TMEM229B: variants seen among roughly 807,000 people sequenced by gnomAD.
TMEM229B encodes the protein chromosome 14 open reading frame 83.
A neutral mutation model predicts 13.7 loss-of-function variants in TMEM229B; 6 were observed. That is an observed-to-expected ratio of 0.44 (90% CI 0.24 to 0.86). The LOEUF (loss-of-function observed/expected upper bound fraction) is 0.86. Among genes scored for constraint, TMEM229B ranks in the 40% least tolerant of loss-of-function variants. The probability of loss-of-function intolerance (pLI) is 0.23; values close to 1 mark genes in which losing one functional copy is unlikely to be tolerated. For synonymous variants in TMEM229B, 107 were observed against 102.1 expected (o/e 1.05, Z -0.29); for missense variants, 170 against 236.0 (o/e 0.72, Z 1.83).
intron 1 of TMEM229B, among the ~76,000 whole-genome samples, chr14:67,512,386 C>A (rs1465788375): frequency 6.6e-6 from 1 of 152,236 alleles, no homozygotes; most frequent in Non-Finnish European, 1.5e-5. Context: ...ACATGAGAAT[C>A]CTGTCTGATA....
upstream of TMEM229B, among the ~76,000 whole-genome samples, chr14:67,520,322 T>G (rs1329719489): frequency 6.6e-6 from 1 of 152,248 alleles, no homozygotes; most frequent in African/African-American, 2.4e-5. Context: ...AAATGTCCTC[T>G]GTGCTTTGCT....
chr14:67,521,289 A>T (rs561440719), intron 1 of TMEM229B, among the ~76,000 whole-genome samples: 61 of 152,362 alleles, frequency 4.0e-4, no homozygotes, highest in African/African-American at 1.4e-3. Context: ...CTCAGGAATG[A>T]GTGCATTGTG....
chr14:67,495,244 A>T (rs2032320832), intron 1 of TMEM229B, among the ~76,000 whole-genome samples: 1 of 152,108 alleles, frequency 6.6e-6, no homozygotes, highest in Non-Finnish European at 1.5e-5. Flanking sequence ...TCCCTCCTGG[A>T]AACATTTCCT....
At chr14:67,493,765 C>A (rs777956606) in intron 1 of TMEM229B, among the ~76,000 whole-genome samples, 4 of 152,154 alleles carry the variant, frequency 2.6e-5, no homozygotes, top group Non-Finnish European at 4.4e-5. Context: ...GGAATGGCCA[C>A]AGAGACCACA....
chr14:67,497,676 G>A (rs2032447087), intron 1 of TMEM229B, among the ~76,000 whole-genome samples: 1 of 152,144 alleles, frequency 6.6e-6, no homozygotes, highest in Non-Finnish European at 1.5e-5. Context: ...AGTTGTCTAG[G>A]AACACCATTA....
At position 67,507,930 on chromosome 14, in the gene TMEM229B, G is replaced by A. The variant is rs375896579; in HGVS notation, c.-192+7156C>T. Among the ~76,000 whole-genome samples, 111 of 152,250 alleles carry A rather than the reference G, an allele frequency of 7.3e-4. 3 individuals are homozygous for A. The South Asian group carries it at 0.022, about 30-fold the overall frequency. ...GAGGCCGGCAGTTCACCTGAGGTTG[G>A]GAGTTCCAGACCAGCCTGACCAACA... On this transcript the variant is annotated intron_variant, in intron 1 of 2. Coordinates refer to the TMEM229B transcript ENST00000357461.
chr14:67,490,784 T>C (rs1468980210), upstream of TMEM229B, among the ~76,000 whole-genome samples: 2 of 151,780 alleles, frequency 1.3e-5, no homozygotes, highest in Non-Finnish European at 2.9e-5. Flanking sequence ...TTACCCCCAC[T>C]CTCCTTTTCC....
At chr14:67,517,230 A>G (rs2033219829), upstream of TMEM229B, among the ~76,000 whole-genome samples, 1 of 152,082 alleles carries the variant, frequency 6.6e-6, no homozygotes, top group Admixed American at 6.5e-5. Context: ...CCACGAAGGC[A>G]TAGTACGCCT....
intron 2 of TMEM229B, among the ~76,000 whole-genome samples, chr14:67,475,765 C>G (rs796072260): frequency 1.1e-4 from 17 of 152,318 alleles, no homozygotes; most frequent in African/African-American, 4.1e-4. Context: ...CAGTCTTCAA[C>G]GCCCGGCTCC....
At chr14:67,499,091 C>T (rs2032506543) in intron 1 of TMEM229B, among the ~76,000 whole-genome samples, 1 of 152,102 alleles carries the variant, frequency 6.6e-6, no homozygotes, top group African/African-American at 2.4e-5. Flanking sequence ...TAAACTCAAA[C>T]TCCTGGGTTC....
At chr14:67,489,271 C>T (rs1411431800), upstream of TMEM229B, among the ~76,000 whole-genome samples, 2 of 152,100 alleles carry the variant, frequency 1.3e-5, no homozygotes, top group Non-Finnish European at 2.9e-5. Flanking sequence ...GATTCAAATC[C>T]CAGTCCTCAG....
At chr14:67,492,747 A>T (rs1325268065), upstream of TMEM229B, among the ~76,000 whole-genome samples, 1 of 152,226 alleles carries the variant, frequency 6.6e-6, no homozygotes, top group Non-Finnish European at 1.5e-5. Flanking sequence ...TAGTCCAAGA[A>T]GTCCTGTGGT....
chr14:67,486,743 T>C (rs763880268), intron 2 of TMEM229B, among the ~76,000 whole-genome samples: 1 of 152,170 alleles, frequency 6.6e-6, no homozygotes, highest in Non-Finnish European at 1.5e-5. Context: ...CTCTTACGTA[T>C]GTCTTTATCA....
chr14:67,506,047 T>G (rs1016458147), intron 1 of TMEM229B, among the ~76,000 whole-genome samples: 18 of 152,230 alleles, frequency 1.2e-4, no homozygotes, highest in Admixed American at 2.6e-4. Context: ...TCCCAGCAAT[T>G]GGGAGGGTAA....
chr14:67,493,388 G>T (rs777352996), upstream of TMEM229B, among the ~76,000 whole-genome samples: 3 of 152,128 alleles, frequency 2.0e-5, no homozygotes, highest in Non-Finnish European at 4.4e-5. Flanking sequence ...AGTTTAGATT[G>T]TGCGGTCCAA....
intron 1 of TMEM229B, among the ~76,000 whole-genome samples, chr14:67,493,826 C>G (rs1043140728): frequency 2.6e-5 from 4 of 152,126 alleles, no homozygotes; most frequent in Admixed American, 1.3e-4. Flanking sequence ...ATAAGGATGT[C>G]AGTCTGAAAT....
intron 2 of TMEM229B, among the ~76,000 whole-genome samples, chr14:67,480,421 G>A (rs562514965): frequency 7.6e-4 from 116 of 152,300 alleles, no homozygotes; most frequent in African/African-American, 2.7e-3. Flanking sequence ...GCTACCGAGG[G>A]ATGAATGGAA....
upstream of TMEM229B, among the ~76,000 whole-genome samples, chr14:67,516,822 T>A (rs976390646): frequency 1.3e-5 from 2 of 152,140 alleles, no homozygotes; most frequent in Non-Finnish European, 2.9e-5. Context: ...TGGGTTCTGA[T>A]TGGGGCAGAG....
chr14:67,523,082 T>C (rs1206658006), intron 1 of TMEM229B, among the ~76,000 whole-genome samples: 1 of 152,180 alleles, frequency 6.6e-6, no homozygotes, highest in Non-Finnish European at 1.5e-5. Flanking sequence ...CCCAGCACTT[T>C]GGGAGGCCAA....
Sources: gnomAD v4.1 joint callset for allele counts (sites outside exome capture counted in the v4.1 genomes callset) on GRCh38, gnomAD v4.1.1 for gene constraint, MANE v1.5 for transcripts, NCBI Gene and HGNC (gene_info 2026-07-23, HGNC 2026-07-21) for gene names.